DDX60: variants seen among roughly 807,000 people sequenced by gnomAD.
The protein encoded by DDX60 is probable ATP-dependent RNA helicase DDX60.
A neutral mutation model predicts 212.8 loss-of-function variants in DDX60; 165 were observed. That is an observed-to-expected ratio of 0.78 (90% CI 0.68 to 0.88). The LOEUF (loss-of-function observed/expected upper bound fraction) is 0.88. DDX60 is among the 40% of genes least tolerant of loss of function. DDX60 has a pLI of 0.00. For synonymous variants in DDX60, 703 were observed against 685.3 expected, an observed-to-expected ratio of 1.03 and a Z score of -0.40; for missense variants, 1,905 against 2,003.9, an observed-to-expected ratio of 0.95 and a Z score of 0.94.
intron 37 of DDX60, among the ~76,000 whole-genome samples, chr4:168,219,648 GGA>G (rs1183141624): frequency 6.6e-6 from 1 of 152,146 alleles, no homozygotes; most frequent in Non-Finnish European, 1.5e-5. Flanking sequence ...ACCTAATAAT[GGA>G]GAGAGTTGTG....
At chr4:168,237,095 C>A (rs1733655027) in intron 32 of DDX60, among the ~76,000 whole-genome samples, 191 bp downstream of exon 32, 1 of 151,660 alleles carries the variant, frequency 6.6e-6, no homozygotes, top group Admixed American at 6.6e-5. Context: ...AAATACATGT[C>A]ATAAAACATG....
chr4:168,267,169 A>G (rs1734883260), intron 22 of DDX60, among the ~76,000 whole-genome samples: 1 of 152,188 alleles, frequency 6.6e-6, no homozygotes, highest in African/African-American at 2.4e-5. Flanking sequence ...TGATTGCTAC[A>G]TTAGTGAGAA....
intron 33 of DDX60, among the ~76,000 whole-genome samples, chr4:168,233,435 A>G (rs1442901520): frequency 2.0e-5 from 3 of 152,148 alleles, no homozygotes; most frequent in Non-Finnish European, 2.9e-5. Flanking sequence ...ACAATTTGCA[A>G]TTACAAAAAT....
intron 1 of DDX60, among the ~76,000 whole-genome samples, chr4:168,315,901 C>G (rs1480639098): frequency 6.6e-6 from 1 of 152,120 alleles, no homozygotes; most frequent in Non-Finnish European, 1.5e-5. Context: ...GTGCATGTGT[C>G]TTTACAGTAG....
intron 26 of DDX60, among the ~76,000 whole-genome samples, chr4:168,253,167 T>C (rs1452131664): frequency 3.3e-5 from 5 of 152,240 alleles, no homozygotes; most frequent in Non-Finnish European, 7.3e-5. Flanking sequence ...CTGGATGTTA[T>C]GATCCATCAT....
At chr4:168,310,907 G>T (rs1737099851) in intron 3 of DDX60, 91 bp downstream of exon 3, 3 of 721,608 alleles carry the variant, frequency 4.2e-6, no homozygotes, top group Middle Eastern at 4.9e-4. Context: ...TTGTTCAATG[G>T]TCAACTGTCT....
In DDX60 at chr4:168,262,006, T is replaced by C. The variant is rs1734642741; in HGVS notation, c.3267A>G (p.Val1089=). The C allele has an allele frequency of 2.5e-6, 4 of 1,593,702 alleles. No homozygotes were observed. Among genetic ancestry groups the C allele is most frequent in the East Asian group, 4.6e-5 (2 of 43,484 alleles). The change falls in exon 24 of 38, where the codon GTA becomes GTG. Residue 1089 remains valine (V), a synonymous_variant. Coordinates refer to ENST00000393743, the MANE Select transcript of DDX60 (RefSeq NM_017631.6). ...AAAAGCGTATGAAAATTACCTGCTC[T>C]ACGTTGCCATTTTTAATCCAACTTG... ...ELTSWIKNGN[V]EQARMVLQNL...
At chr4:168,295,368 G>A (rs1236875911) in intron 6 of DDX60, among the ~76,000 whole-genome samples, 1 of 152,186 alleles carries the variant, frequency 6.6e-6, no homozygotes, top group Non-Finnish European at 1.5e-5. Flanking sequence ...TGAAAACCTA[G>A]TTTAGGAGTA....
At chr4:168,256,607 T>C (rs1734422867) in intron 25 of DDX60, among the ~76,000 whole-genome samples, 1 of 152,148 alleles carries the variant, frequency 6.6e-6, no homozygotes, top group South Asian at 2.1e-4. Context: ...AAAATGTTTC[T>C]AGAGGAAGTA....
At position 168,311,048 on chromosome 4, in the gene DDX60, T is replaced by C. The variant is rs770852816; in HGVS notation, c.24A>G (p.Thr8=). 1.9e-6 allele frequency: 3 copies of C among 1,581,764 alleles called. No individual in the cohort carries two copies. Among genetic ancestry groups the C allele is most frequent in the Non-Finnish European group, 2.6e-6 (3 of 1,154,374 alleles). The change falls in exon 3 of 38, where the codon ACA becomes ACG. Residue 8 remains threonine, a synonymous_variant. Transcript: ENST00000393743. ...TTAACTGGGACATTTCCTGTGAAAA[T>C]GTTGTAAGAACATTTCTTTCTAAAT... MERNVLT[T]FSQEMSQLIL... is the part of the protein sequence containing the mutation.
chr4:168,294,391 A>G (rs1270194876), intron 6 of DDX60, among the ~76,000 whole-genome samples: 1 of 152,234 alleles, frequency 6.6e-6, no homozygotes, highest in South Asian at 2.1e-4. Context: ...ACAGGCAACA[A>G]AAGCAAAAAT....
At chr4:168,286,457 T>C (rs75815993) in intron 10 of DDX60, among the ~76,000 whole-genome samples, 30 of 134,068 alleles carry the variant, frequency 2.2e-4, no homozygotes, top group East Asian at 1.6e-3. Flanking sequence ...TAGATAGATA[T>C]TACATATCAA....
chr4:168,323,204 G>A (rs932679077), upstream of DDX60, among the ~76,000 whole-genome samples: 1 of 152,078 alleles, frequency 6.6e-6, no homozygotes, highest in Non-Finnish European at 1.5e-5. Flanking sequence ...CTGAGAGTAG[G>A]AGGGCTTTCC....
chr4:168,269,303 A>C (rs1457894839), intron 19 of DDX60, among the ~76,000 whole-genome samples: 1 of 152,142 alleles, frequency 6.6e-6, no homozygotes, highest in African/African-American at 2.4e-5. Flanking sequence ...CATCACAGCC[A>C]AAATAAAAAT....
In DDX60 at chr4:168,222,635, G is replaced by A. The variant is rs577811567; in HGVS notation, c.4825-754C>T. Among the ~76,000 whole-genome samples the A allele has an allele frequency of 4.6e-5, 7 of 152,096 alleles. No homozygotes were observed. The East Asian group carries it at 5.8e-4, about 13-fold the overall frequency. ...TTTAATAATTTGCAGGTAACCATTC[G>A]AGTGACAGATATCAACTGCGTTCAC... On this transcript the variant is annotated intron_variant, in intron 35 of 37. Transcript: ENST00000393743.
chr4:168,297,378 GAAAGAGAAAGAAAGAAAGAAAGA>G (rs1736441381), intron 6 of DDX60, among the ~76,000 whole-genome samples: 1 of 53,876 alleles, frequency 1.9e-5, no homozygotes, highest in Non-Finnish European at 3.5e-5. Flanking sequence ...AAGAAAGAAA[GAAAGAGAAAGAAAGAAAGAAAGA>G]AAGACAATAA....
chr4:168,311,135 T>A, intron 2 of DDX60, 68 bp from the exon 3 acceptor site: 1 of 1,413,302 alleles, frequency 7.1e-7, no homozygotes. Context: ...ACAGGAGCTA[T>A]CATTTAGTTA....
At chr4:168,221,585 TA>T (rs1191068943) in intron 36 of DDX60, 144 bp downstream of exon 36, 33 of 835,132 alleles carry the variant, frequency 4.0e-5, no homozygotes, top group Admixed American at 6.9e-5. Context: ...CATTAGTCTC[TA>T]AAAAAAATCA....
At chr4:168,256,945 A>G (rs553539077) in intron 25 of DDX60, among the ~76,000 whole-genome samples, 1 of 152,396 alleles carries the variant, frequency 6.6e-6, no homozygotes, top group South Asian at 2.1e-4. Flanking sequence ...CTGGTGAAGT[A>G]AGAATTTTAA....
Sources: gnomAD v4.1 joint callset for allele counts (sites outside exome capture counted in the v4.1 genomes callset) on GRCh38, gnomAD v4.1.1 for gene constraint, MANE v1.5 for transcripts, NCBI Gene and HGNC (gene_info 2026-07-23, HGNC 2026-07-21) for gene names.